Variants in SCMH1 observed in about 807,000 individuals in gnomAD.
SCMH1 encodes Scm polycomb group protein homolog 1.
SCMH1 carries 37 observed loss-of-function variants against 70.8 expected under a neutral mutation model. That is an observed-to-expected ratio of 0.52 (90% CI 0.40 to 0.69). The LOEUF (loss-of-function observed/expected upper bound fraction) is 0.69, where lower values mean the gene tolerates loss of function less well. Ranked by LOEUF, SCMH1 falls within the 30% of genes least tolerant of loss-of-function variation. The pLI is 0.00. For synonymous variants in SCMH1, 292 were observed against 307.4 expected, an observed-to-expected ratio of 0.95 and a Z score of 0.52; for missense variants, 607 against 827.3, an observed-to-expected ratio of 0.73 and a Z score of 3.27.
At chr1:41,106,155 G>T (rs956911000) in intron 8 of SCMH1, among the ~76,000 whole-genome samples, 5 of 151,866 alleles carry the variant, frequency 3.3e-5, no homozygotes, top group Non-Finnish European at 7.4e-5. Flanking sequence ...GATTACAAGT[G>T]TGAGCCACCA....
At chr1:41,064,659 T>C (rs1248440639) in intron 10 of SCMH1, among the ~76,000 whole-genome samples, 1 of 152,160 alleles carries the variant, frequency 6.6e-6, no homozygotes, top group Non-Finnish European at 1.5e-5. Context: ...CTCCCTGTAA[T>C]CCCAATGCTT....
chr1:41,107,316 C>T (rs1668198087), intron 8 of SCMH1, among the ~76,000 whole-genome samples: 2 of 151,828 alleles, frequency 1.3e-5, no homozygotes, highest in Non-Finnish European at 1.5e-5. Context: ...TATATGTTCA[C>T]AAAACTGTAA....
chr1:41,028,606 T>C, exon 14 of SCMH1: 3 of 1,614,160 alleles, frequency 1.9e-6, no homozygotes, highest in Non-Finnish European at 2.5e-6. Flanking sequence ...CAGGTCAGCG[T>C]GGGGTCCAAG....
chr1:41,037,227 A>G, intron 13 of SCMH1, 135 bp downstream of exon 13: 1 of 839,368 alleles, frequency 1.2e-6, no homozygotes, highest in Non-Finnish European at 1.8e-6. Context: ...CAGGCACAAG[A>G]GTAAGTCCAG....
intron 4 of SCMH1, among the ~76,000 whole-genome samples, chr1:41,155,978 C>CA (rs1645495451): frequency 9.2e-6 from 1 of 109,128 alleles, no homozygotes; most frequent in Non-Finnish European, 1.8e-5. Context: ...GAGTAAGACT[C>CA]CGTCTCAAAA....
chr1:41,075,280 G>A, exon 9 of SCMH1: 1 of 1,614,132 alleles, frequency 6.2e-7, no homozygotes, highest in Non-Finnish European at 8.5e-7. Flanking sequence ...TGTCTTGGAT[G>A]GGGCAGAGAT....
At chr1:41,062,238 C>T (rs1289498078) in intron 10 of SCMH1, among the ~76,000 whole-genome samples, 1 of 152,090 alleles carries the variant, frequency 6.6e-6, no homozygotes, top group Non-Finnish European at 1.5e-5. Flanking sequence ...TGAAAAAAAT[C>T]ACCAGAGATT....
At chr1:41,145,880 CACAT>C (rs1204680594) in intron 5 of SCMH1, among the ~76,000 whole-genome samples, 4 of 152,086 alleles carry the variant, frequency 2.6e-5, no homozygotes, top group African/African-American at 9.7e-5. Flanking sequence ...AAAAGTATAG[CACAT>C]ACAATTATGT....
At chr1:41,174,749 C>T (rs1647002012) in intron 2 of SCMH1, among the ~76,000 whole-genome samples, 1 of 152,086 alleles carries the variant, frequency 6.6e-6, no homozygotes, top group African/African-American at 2.4e-5. Context: ...AATATCTTTG[C>T]TTTCTTTCCT....
chr1:41,091,860 T>C (rs532648599), intron 8 of SCMH1, among the ~76,000 whole-genome samples: 44 of 152,000 alleles, frequency 2.9e-4, no homozygotes, highest in African/African-American at 1.0e-3. Context: ...CACTGCTCAA[T>C]GAAATAAAAG....
At chr1:41,052,647 A>G (rs1648632759) in intron 10 of SCMH1, among the ~76,000 whole-genome samples, 2 of 152,254 alleles carry the variant, frequency 1.3e-5, no homozygotes, top group South Asian at 4.1e-4. Flanking sequence ...GCAGTAAAAA[A>G]GAAGGAACTC....
chr1:41,139,250 A>G (rs1379404897), intron 6 of SCMH1, among the ~76,000 whole-genome samples: 2 of 152,064 alleles, frequency 1.3e-5, no homozygotes, highest in East Asian at 1.9e-4. Flanking sequence ...GGGTGGGACT[A>G]TCTCATTCTG....
At chr1:41,092,459 A>T (rs1291381784) in intron 8 of SCMH1, among the ~76,000 whole-genome samples, 1 of 152,234 alleles carries the variant, frequency 6.6e-6, no homozygotes, top group Non-Finnish European at 1.5e-5. Context: ...GGACATAGGC[A>T]TGGGCAAGGA....
At chr1:41,167,855 C>T (rs560127484) in intron 2 of SCMH1, among the ~76,000 whole-genome samples, 247 of 149,264 alleles carry the variant, frequency 1.7e-3, no homozygotes, top group African/African-American at 5.9e-3. Flanking sequence ...TTGATCATCC[C>T]TTTGTTTTTT....
exon 15 of SCMH1, chr1:41,027,577 G>A (rs1478947591): frequency 2.0e-5 from 3 of 152,280 alleles, no homozygotes; most frequent in African/African-American, 7.2e-5. Flanking sequence ...CCACCTCAAA[G>A]AGAAAGTGCC....
intron 1 of SCMH1, among the ~76,000 whole-genome samples, chr1:41,230,879 A>C (rs1661169657): frequency 6.6e-6 from 1 of 152,194 alleles, no homozygotes; most frequent in Admixed American, 6.5e-5. Flanking sequence ...AAATTTCTCC[A>C]GGCGATTCTG....
chr1:41,072,059 C>CA (rs1454556460), intron 9 of SCMH1, among the ~76,000 whole-genome samples: 3 of 152,252 alleles, frequency 2.0e-5, no homozygotes, highest in African/African-American at 7.2e-5. Flanking sequence ...TGCTGGGAGC[C>CA]ATATCAACCT....
chr1:41,206,990 T>C (rs1655704225), intron 1 of SCMH1, among the ~76,000 whole-genome samples: 1 of 152,168 alleles, frequency 6.6e-6, no homozygotes, highest in East Asian at 1.9e-4. Flanking sequence ...AAGCAAATGC[T>C]CAGAGATTTT....
chr1:41,040,369 T>C (rs1025834334), intron 12 of SCMH1, among the ~76,000 whole-genome samples: 1 of 152,044 alleles, frequency 6.6e-6, no homozygotes, highest in African/African-American at 2.4e-5. Context: ...TGGAGGATGA[T>C]CAGAGTGGTG....
Sources: allele counts gnomAD v4.1 joint callset (sites outside exome capture counted in the v4.1 genomes callset), GRCh38; gene constraint gnomAD v4.1.1; transcripts MANE v1.5; gene names NCBI Gene and HGNC (gene_info 2026-07-23, HGNC 2026-07-21).